Variants in DMD observed in about 807,000 individuals in gnomAD.
DMD encodes the protein mutant dystrophin.
Under a neutral mutation model 330.1 loss-of-function variants are expected in DMD, and 63 were observed. That is an observed-to-expected ratio of 0.19 (90% CI 0.16 to 0.24). The LOEUF is 0.24. Among genes scored for constraint, DMD ranks in the 10% least tolerant of loss-of-function variants. The pLI is 1.00. For synonymous variants in DMD, 1,223 were observed against 959.8 expected (o/e 1.27, Z -5.07); for missense variants, 3,344 against 2,684.1 (o/e 1.25, Z -5.43).
At chrX:31,346,914 T>C (rs1202394871) in intron 61 of DMD, among the ~76,000 whole-genome samples, 1 of 97,730 alleles carries the variant, frequency 1.0e-5, no homozygotes, top group African/African-American at 3.9e-5. Flanking sequence ...GGCAGGAGAA[T>C]AGTTTGAACC....
intron 18 of DMD, chrX:32,517,347 G>C (rs756101553): frequency 2.7e-5 from 3 of 111,701 alleles, no homozygotes; most frequent in Admixed American, 9.5e-5. Flanking sequence ...TTAAAGCCTT[G>C]ACAATTTCCC....
chrX:32,740,634 G>T (rs1281770481), intron 7 of DMD, among the ~76,000 whole-genome samples: 1 of 111,493 alleles, frequency 9.0e-6, no homozygotes, highest in Non-Finnish European at 1.9e-5. Flanking sequence ...AAAGCATAAA[G>T]TTTATGACAC....
chrX:33,089,664 G>T (rs1017177560), intron 1 of DMD, among the ~76,000 whole-genome samples: 1 of 111,600 alleles, frequency 9.0e-6, no homozygotes, highest in Non-Finnish European at 1.9e-5. Context: ...AGTACACAGG[G>T]GTATTTGATG....
chrX:31,627,963 TACCAACAATGGGGTG>T, intron 54 of DMD, 101 bp from the exon 55 acceptor site: 1 of 768,332 alleles, frequency 1.3e-6, no homozygotes, highest in Non-Finnish European at 1.9e-6. Flanking sequence ...AATTGTAATA[TACCAACAATGGGGTG>T]AGTTGTTGCT....
At chrX:32,589,526 A>G (rs1424162115) in intron 13 of DMD, among the ~76,000 whole-genome samples, 1 of 110,830 alleles carries the variant, frequency 9.0e-6, no homozygotes, top group East Asian at 2.8e-4. Context: ...ATTTAACTAT[A>G]TACACATTTA....
chrX:32,372,557 G>A (rs2097883396), intron 34 of DMD, among the ~76,000 whole-genome samples: 1 of 111,619 alleles, frequency 9.0e-6, no homozygotes, highest in East Asian at 2.8e-4. Context: ...AAAAGTATCT[G>A]AACATTTATG....
upstream of DMD, among the ~76,000 whole-genome samples, chrX:33,211,879 T>C (rs1369108972): frequency 8.9e-6 from 1 of 112,559 alleles, no homozygotes; most frequent in African/African-American, 3.2e-5. Context: ...GGATTCAAAA[T>C]TGACTTTTAA....
In DMD at chrX:32,044,288, C is replaced by T. The variant is rs141851784; in HGVS notation, c.6439-75774G>A. Among the ~76,000 whole-genome samples the T allele has an allele frequency of 1.6e-3, 174 of 110,651 alleles. 3 individuals are homozygous for T. The East Asian group carries it at 0.042, about 27-fold the overall frequency. On this transcript the variant is annotated intron_variant, in intron 44 of 78. Coordinates refer to ENST00000357033, the MANE Select transcript of DMD (RefSeq NM_004006.3). ...CATGAGAAGTTTAACTTAAGCCCTT[C>T]CTATTCAATAGGGGATGTCTTAGGA... is the stretch of plus-strand genomic sequence containing the variant.
chrX:31,886,688 C>G (rs993629386), intron 47 of DMD, among the ~76,000 whole-genome samples: 4 of 111,594 alleles, frequency 3.6e-5, no homozygotes, highest in Non-Finnish European at 3.8e-5. Flanking sequence ...TGGGTCTTCT[C>G]ATTACTGATA....
intron 53 of DMD, among the ~76,000 whole-genome samples, 172 bp from the exon 54 acceptor site, chrX:31,658,316 C>A (rs894126022): frequency 1.6e-4 from 18 of 111,771 alleles, no homozygotes; most frequent in African/African-American, 5.9e-4. Context: ...TATAAGGTAA[C>A]CCACCTTTCA....
At chrX:33,239,454 G>A (rs2052550192) in intron 1 of DMD, among the ~76,000 whole-genome samples, 1 of 51,654 alleles carries the variant, frequency 1.9e-5, no homozygotes, top group African/African-American at 3.8e-5. Flanking sequence ...CATTTCCTAA[G>A]GAAAAAAAAG....
At chrX:31,650,921 T>C (rs1350230541) in intron 54 of DMD, among the ~76,000 whole-genome samples, 1 of 111,896 alleles carries the variant, frequency 8.9e-6, no homozygotes, top group Non-Finnish European at 1.9e-5. Flanking sequence ...AAAGACTTGA[T>C]AACTGGCAGA....
Position 31,435,042 on chromosome X carries a change from T to A in DMD, c.9084+9439A>T, listed in dbSNP as rs1339408841. Among the ~76,000 whole-genome samples, 9 of 111,594 alleles carry A rather than the reference T, an allele frequency of 8.1e-5. No homozygotes were observed. The Admixed American group carries it at 8.5e-4, about 11-fold the overall frequency. On this transcript the variant is annotated intron_variant, in intron 60 of 78. Transcript: ENST00000357033. Reference sequence around the variant, plus strand: ...GTTCTGACAGATTCCCCAGGCAGACTGTCTGGGTTCAAATCCTGGCTCTCT... The same window carrying A: ...GTTCTGACAGATTCCCCAGGCAGACAGTCTGGGTTCAAATCCTGGCTCTCT...
Position 31,595,285 on chromosome X carries a change from A to G in DMD, c.8217+32388T>C, listed in dbSNP as rs973062094. Among the ~76,000 whole-genome samples the G allele has an allele frequency of 1.8e-5, 2 of 111,216 alleles. No individual in the cohort carries two copies. Among genetic ancestry groups the G allele is most frequent in the Admixed American group, 1.9e-4 (2 of 10,375 alleles). On this transcript the variant is annotated intron_variant, in intron 55 of 78. Transcript: ENST00000357033. Reference sequence around the variant, plus strand: ...GAAGATCTGTTTCGGCTCATGGTAAATATTACATCTTTACCCTCGCTCCCC... The same window carrying G: ...GAAGATCTGTTTCGGCTCATGGTAAGTATTACATCTTTACCCTCGCTCCCC...
chrX:32,710,626 C>A (rs1483653519), intron 7 of DMD, among the ~76,000 whole-genome samples: 1 of 110,839 alleles, frequency 9.0e-6, no homozygotes, highest in Non-Finnish European at 1.9e-5. Context: ...CAAAATAGCA[C>A]CGTGCTTTAC....
At chrX:32,774,170 A>G (rs1220413526) in intron 7 of DMD, among the ~76,000 whole-genome samples, 2 of 112,316 alleles carry the variant, frequency 1.8e-5, no homozygotes, top group African/African-American at 3.2e-5. Flanking sequence ...CGATTGTAAT[A>G]TAAGAGAGTT....
chrX:32,062,586 C>T (rs982135271), intron 44 of DMD, among the ~76,000 whole-genome samples: 3 of 110,975 alleles, frequency 2.7e-5, no homozygotes, highest in Non-Finnish European at 5.7e-5. Flanking sequence ...TTATACAATA[C>T]TATTTTTAAT....
At chrX:32,684,402 GTT>G (rs1569453208) in intron 9 of DMD, among the ~76,000 whole-genome samples, 1 of 111,316 alleles carries the variant, frequency 9.0e-6, no homozygotes, top group African/African-American at 3.3e-5. Context: ...TTTACCCTAA[GTT>G]TTATTAATCC....
At chrX:31,439,212 T>C (rs1344016680) in intron 60 of DMD, among the ~76,000 whole-genome samples, 2 of 111,799 alleles carry the variant, frequency 1.8e-5, no homozygotes, top group African/African-American at 6.5e-5. Flanking sequence ...GGGTGGGCCA[T>C]CATGGAAGTA....
Sources: gnomAD v4.1 joint callset for allele counts (sites outside exome capture counted in the v4.1 genomes callset) on GRCh38, gnomAD v4.1.1 for gene constraint, MANE v1.5 for transcripts, NCBI Gene and HGNC (gene_info 2026-07-23, HGNC 2026-07-21) for gene names.